The following MAP3K1 variants were observed in gnomAD, a reference collection of about 807,000 sequenced individuals.
MAP3K1 encodes mitogen-activated protein kinase kinase kinase 1.
In MAP3K1, 36 loss-of-function variants were observed where a neutral mutation model predicts 144.2. The observed-to-expected ratio is 0.25, with a 90% CI of 0.19 to 0.33. The LOEUF (loss-of-function observed/expected upper bound fraction) is 0.33, where lower values mean the gene tolerates loss of function less well. Among genes scored for constraint, MAP3K1 ranks in the 10% least tolerant of loss-of-function variants. The pLI, the probability that MAP3K1 is intolerant of heterozygous loss-of-function variation, is 1.00. For missense variants in MAP3K1, 1,650 were observed against 1,881.9 expected, an observed-to-expected ratio of 0.88 and a Z score of 2.28; for synonymous variants, 718 against 688.7, an observed-to-expected ratio of 1.04 and a Z score of -0.67.
chr5:56,815,611 G>A lies in MAP3K1; in HGVS notation c.38G>A (p.Gly13Glu). The change falls in exon 1 of 20, where the codon GGA becomes GAA. Residue 13 changes from glycine (G) to glutamate (E), a missense_variant. Gly to Glu is a moderately conservative substitution (Grantham distance 98). Transcript: ENST00000399503. ...GCGGGGAATCGCGCCTCGTCGTCGG[G>A]ATTCCCGGGCGCCAGGGCTACGAGC... is the stretch of plus-strand genomic sequence containing the variant. Reference protein sequence around the residue: ...AAAGNRASSSGFPGARATSPE... With the variant: ...AAAGNRASSSEFPGARATSPE... The A allele has an allele frequency of 3.0e-6, 4 of 1,314,152 alleles. No individual in the cohort carries two copies. Among genetic ancestry groups the A allele is most frequent in the Middle Eastern group, 2.9e-4 (1 of 3,500 alleles). The allele number at this position is 1,314,152 out of a possible 1,614,324, so 81.4% of individuals were successfully genotyped here.
intron 19 of MAP3K1, among the ~76,000 whole-genome samples, chr5:56,891,085 A>C (rs913949967): frequency 6.6e-6 from 1 of 151,892 alleles, no homozygotes. Flanking sequence ...CATTTTAGAA[A>C]ATCTTAAGTC....
rs1748447624 is a variant in MAP3K1 at position 56,888,373 on chromosome 5, A to G, written c.4389+16A>G. On this transcript the variant is annotated intron_variant, in intron 19 of 19. Coordinates refer to ENST00000399503, the MANE Select transcript of MAP3K1 (RefSeq NM_005921.2). ...GATATTTAAGGTAATTGTGAGATAA[A>G]AATTACTTCTTTGTGCTAAAAGGAG... 6.2e-7 allele frequency: 1 copy of G among 1,613,098 alleles called. No individual in the cohort carries two copies. Among genetic ancestry groups the G allele is most frequent in the East Asian group, 2.2e-5 (1 of 44,832 alleles).
chr5:56,834,911 T>C (rs897005980), intron 1 of MAP3K1, among the ~76,000 whole-genome samples: 2 of 152,152 alleles, frequency 1.3e-5, no homozygotes, highest in African/African-American at 4.8e-5. Context: ...TTAGATATTA[T>C]TATAATAAGT....
At chr5:56,868,248 A>G (rs961799090) in intron 6 of MAP3K1, among the ~76,000 whole-genome samples, 1 of 152,154 alleles carries the variant, frequency 6.6e-6, no homozygotes, top group Non-Finnish European at 1.5e-5. Flanking sequence ...CAAGTAGTCC[A>G]CAGGCTGATT....
intron 1 of MAP3K1, among the ~76,000 whole-genome samples, chr5:56,836,062 A>G (rs531304327): frequency 1.3e-5 from 2 of 152,296 alleles, no homozygotes; most frequent in African/African-American, 4.8e-5. Flanking sequence ...TCTCAGAGAG[A>G]TAATATTCTA....
intron 1 of MAP3K1, among the ~76,000 whole-genome samples, chr5:56,849,890 A>G (rs565890357): frequency 1.1e-4 from 16 of 152,320 alleles, no homozygotes; most frequent in Non-Finnish European, 8.8e-5. Flanking sequence ...AGTGTAAGTC[A>G]TAGTGTTTTT....
rs1211934332 is a variant in MAP3K1, at chr5:56,816,002, C to A, written c.429C>A (p.Pro143=). The A allele has an allele frequency of 8.2e-7, 1 of 1,226,638 alleles. No individual in the cohort carries two copies. The highest frequency in any genetic ancestry group is 1.0e-6 in the Non-Finnish European group (1 of 986,056). The allele number at this position is 1,226,638 out of a possible 1,614,324, so 76.0% of individuals were successfully genotyped here. The change falls in exon 1 of 20, where the codon CCC becomes CCA. Residue 143 remains proline (P), a synonymous_variant. Coordinates refer to ENST00000399503, the MANE Select transcript of MAP3K1 (RefSeq NM_005921.2). The part of the protein sequence containing the change: ...SGASSPAAAE[P]GEKRAPAAEP... ...CCTCGAGTCCCGCAGCGGCCGAGCC[C>A]GGGGAGAAGCGGGCGCCCGCCGCCG... is the stretch of plus-strand genomic sequence containing the variant.
chr5:56,828,730 G>A (rs1374831046), intron 1 of MAP3K1, among the ~76,000 whole-genome samples: 1 of 151,994 alleles, frequency 6.6e-6, no homozygotes, highest in Non-Finnish European at 1.5e-5. Flanking sequence ...TTAATTTTTT[G>A]ACAACTTTGC....
chr5:56,823,207 C>T (rs1746207221), intron 1 of MAP3K1, among the ~76,000 whole-genome samples: 1 of 152,206 alleles, frequency 6.6e-6, no homozygotes, highest in East Asian at 1.9e-4. Context: ...GGTTGGGCCC[C>T]TGTCTGCTTC....
intron 1 of MAP3K1, among the ~76,000 whole-genome samples, chr5:56,818,791 G>T (rs557236786): frequency 2.0e-5 from 3 of 152,204 alleles, no homozygotes; most frequent in African/African-American, 7.2e-5. Context: ...TGCTGGCCCC[G>T]TGAAAGAACA....
chr5:56,837,901 C>A (rs1408156559), intron 1 of MAP3K1, among the ~76,000 whole-genome samples: 1 of 152,100 alleles, frequency 6.6e-6, no homozygotes, highest in African/African-American at 2.4e-5. Context: ...GTGGGGGAGG[C>A]TGAAGGCAGC....
In MAP3K1 at chr5:56,860,853, C is replaced by CA. The variant is rs1033540557; in HGVS notation, c.834+948dup. On this transcript the variant is annotated intron_variant, in intron 3 of 19. Transcript: ENST00000399503. ...GGGCGACAACAGCGAAACTCCATCTCAAAAAAAAAAGAAAAAAAGAAAAGC... is the reference window on the plus strand; with the variant it reads ...GGGCGACAACAGCGAAACTCCATCTCAAAAAAAAAAAGAAAAAAAGAAAAGC... Among the ~76,000 whole-genome samples, 1,137 of 140,338 alleles carry CA rather than the reference C, an allele frequency of 8.1e-3. 12 individuals are homozygous for CA. Among genetic ancestry groups the CA allele is most frequent in the African/African-American group, 0.027 (1,043 of 38,084 alleles). The allele number at this position is 140,338 out of a possible 152,430, so 92.1% of individuals were successfully genotyped here.
chr5:56,833,730 A>C (rs777463593), intron 1 of MAP3K1, among the ~76,000 whole-genome samples: 18 of 152,070 alleles, frequency 1.2e-4, no homozygotes, highest in Admixed American at 3.3e-4. Context: ...TCTTTTAATT[A>C]ATGTGTTTTA....
chr5:56,864,615 C>G, intron 3 of MAP3K1, 119 bp from the exon 4 acceptor site: 1 of 981,806 alleles, frequency 1.0e-6, no homozygotes, highest in Admixed American at 1.9e-5. Context: ...CCTCATGATC[C>G]GCCCTCCTCG....
At chr5:56,866,051 C>T in intron 6 of MAP3K1, 74 bp downstream of exon 6, 2 of 1,137,738 alleles carry the variant, frequency 1.8e-6, no homozygotes, top group Non-Finnish European at 2.6e-6. Context: ...TTTATATCTA[C>T]TTGTTAAGTT....
intron 6 of MAP3K1, among the ~76,000 whole-genome samples, chr5:56,870,866 G>A (rs1747830078): frequency 6.6e-6 from 1 of 151,956 alleles, no homozygotes; most frequent in African/African-American, 2.4e-5. Flanking sequence ...GGATTTTTAG[G>A]TCATGAATAT....
intron 1 of MAP3K1, among the ~76,000 whole-genome samples, chr5:56,819,254 C>T (rs1746079292): frequency 6.6e-6 from 1 of 152,146 alleles, no homozygotes; most frequent in South Asian, 2.1e-4. Flanking sequence ...ATTTCCAATG[C>T]ACTAAAACTC....
intron 2 of MAP3K1, among the ~76,000 whole-genome samples, chr5:56,858,256 A>G (rs192231509): frequency 7.2e-5 from 11 of 152,338 alleles, no homozygotes; most frequent in African/African-American, 2.4e-4. Context: ...AAATCTTTTG[A>G]GAATACCGTA....
Position 56,882,749 on chromosome 5 carries a change from T to TGAA in MAP3K1, c.3560_3562dup (p.Glu1187dup). 1 of 1,612,438 alleles carries TGAA rather than the reference T, an allele frequency of 6.2e-7. No homozygotes were observed. The highest frequency in any genetic ancestry group is 8.5e-7 in the Non-Finnish European group (1 of 1,179,172). On this transcript the variant is annotated inframe_insertion, in exon 14 of 20. Coordinates refer to ENST00000399503, the MANE Select transcript of MAP3K1 (RefSeq NM_005921.2). Reference sequence around the variant, plus strand: ...AAAAGTGCAAAGAGAAGATGGAAGCTGAAGAAGAAGAAGCTTTAGCAATTG... The same window carrying TGAA: ...AAAAGTGCAAAGAGAAGATGGAAGCTGAAGAAGAAGAAGAAGCTTTAGCAATTG...
Sources: allele counts gnomAD v4.1 joint callset (sites outside exome capture counted in the v4.1 genomes callset), GRCh38; gene constraint gnomAD v4.1.1; transcripts MANE v1.5; gene names NCBI Gene and HGNC (gene_info 2026-07-23, HGNC 2026-07-21).